FRY: variants seen among roughly 807,000 people sequenced by gnomAD.
FRY encodes the protein protein furry homolog.
In FRY, 128 loss-of-function variants were observed where a neutral mutation model predicts 348.4. That is an observed-to-expected ratio of 0.37 (90% confidence interval 0.32 to 0.43). The LOEUF (loss-of-function observed/expected upper bound fraction) is 0.43. FRY is among the 20% of genes least tolerant of loss of function. The pLI is 1.00. For synonymous variants in FRY, 1,370 were observed against 1,374.7 expected (o/e 1.00, Z 0.08); for missense variants, 2,736 against 3,695.2 (o/e 0.74, Z 6.73).
intron 11 of FRY, among the ~76,000 whole-genome samples, chr13:32,138,591 A>T (rs1593656983): frequency 6.6e-6 from 1 of 152,186 alleles, no homozygotes; most frequent in East Asian, 1.9e-4. Flanking sequence ...CTGGGCACTG[A>T]CAGTATATCC....
In FRY at chr13:32,157,254, T is replaced by G; in HGVS notation, c.1652-19T>G. 6.2e-7 allele frequency: 1 copy of G among 1,606,270 alleles called. No homozygotes were observed. Among genetic ancestry groups the G allele is most frequent in the South Asian group, 1.1e-5 (1 of 90,934 alleles). On this transcript the variant is annotated intron_variant, in intron 15 of 60. Coordinates refer to ENST00000542859, the MANE Select transcript of FRY (RefSeq NM_023037.3). ...TGATAGATTCAGTTGAAGGTATAAC[T>G]ATAATGCATGTTTTTCAGGCATGTC...
intron 14 of FRY, among the ~76,000 whole-genome samples, chr13:32,153,067 T>A (rs1280877313): frequency 6.6e-6 from 1 of 152,126 alleles, no homozygotes; most frequent in Non-Finnish European, 1.5e-5. Flanking sequence ...CTGGGGAAGA[T>A]AAAGAGCAAC....
chr13:32,090,659 GAAAC>G (rs1876236661), intron 2 of FRY, among the ~76,000 whole-genome samples: 2 of 151,950 alleles, frequency 1.3e-5, no homozygotes, highest in Non-Finnish European at 1.5e-5. Context: ...AAGTTACCCA[GAAAC>G]AAACAAATGA....
intron 3 of FRY, among the ~76,000 whole-genome samples, chr13:32,103,700 C>T (rs1398745831): frequency 6.6e-6 from 1 of 152,148 alleles, no homozygotes; most frequent in Non-Finnish European, 1.5e-5. Flanking sequence ...CGCAGTGGCT[C>T]ACATCTGTAA....
At chr13:32,094,091 T>C (rs1297997884) in intron 2 of FRY, among the ~76,000 whole-genome samples, 1 of 152,210 alleles carries the variant, frequency 6.6e-6, no homozygotes, top group African/African-American at 2.4e-5. Context: ...TTACTACTTA[T>C]TTAATGCTCT....
intron 59 of FRY, among the ~76,000 whole-genome samples, chr13:32,290,437 G>C (rs1889280272): frequency 6.6e-6 from 1 of 152,100 alleles, no homozygotes. Flanking sequence ...AGGGTGAGTT[G>C]GAGTGAGGGA....
At chr13:32,100,972 C>T (rs1464880763) in intron 2 of FRY, among the ~76,000 whole-genome samples, 4 of 150,938 alleles carry the variant, frequency 2.7e-5, no homozygotes, top group Admixed American at 1.3e-4. Flanking sequence ...AAGGTTTCAG[C>T]GTATGAATTT....
At chr13:32,136,759 C>T in intron 10 of FRY, 112 bp from the exon 11 acceptor site, 1 of 775,360 alleles carries the variant, frequency 1.3e-6, no homozygotes, top group East Asian at 2.4e-5. Flanking sequence ...TGTCCTGTTT[C>T]TTGCCCACAG....
At chr13:32,171,392 ACCTCCACCT>A (rs1233055396) in intron 18 of FRY, 122 bp downstream of exon 18, 3 of 749,608 alleles carry the variant, frequency 4.0e-6, no homozygotes, top group East Asian at 2.8e-5. Context: ...ACTCACTGCA[ACCTCCACCT>A]CCTGGTTCAA....
chr13:32,183,079 A>T, intron 24 of FRY, 45 bp downstream of exon 24: 1 of 1,176,762 alleles, frequency 8.5e-7, no homozygotes, highest in Non-Finnish European at 1.3e-6. Context: ...TTTTTGGACA[A>T]TCATCTGAAT....
At chr13:32,074,594 A>C (rs556252247) in intron 1 of FRY, among the ~76,000 whole-genome samples, 1 of 152,320 alleles carries the variant, frequency 6.6e-6, no homozygotes, top group African/African-American at 2.4e-5. Flanking sequence ...CATGGATGCC[A>C]CTGAACCATA....
rs754270789 is a variant in FRY, at chr13:32,237,784, A to G, written c.6216A>G (p.Ala2072=). The G allele has an allele frequency of 2.5e-6, 4 of 1,614,156 alleles. No individual in the cohort carries two copies. In the South Asian group the frequency reaches 4.4e-5, roughly 18 times the overall value. Residue 2072 remains alanine, a synonymous_variant, in exon 44 of 61, where the codon GCA becomes GCG. Transcript: ENST00000542859. This position sits in a 1 kb window ranked among gnomAD's most constrained non-coding sequence, Gnocchi z 6.3. ...TAAGGCTGTTGAGCAGACTACTGGC[A>G]CATATGCCACTCGATAAGGCTGAGA... ...MALRLLSRLL[A]HMPLDKAENR...
chr13:32,077,674 A>C (rs1196619516), intron 1 of FRY, among the ~76,000 whole-genome samples: 3 of 152,228 alleles, frequency 2.0e-5, no homozygotes, highest in Non-Finnish European at 2.9e-5. Context: ...AGACAGAAAG[A>C]AGGCAAGAGA....
intron 2 of FRY, among the ~76,000 whole-genome samples, chr13:32,090,880 G>A (rs1332877510): frequency 2.0e-5 from 3 of 152,010 alleles, no homozygotes; most frequent in Admixed American, 6.6e-5. Context: ...CCACTGAAAT[G>A]AGCAAAACCA....
intron 55 of FRY, among the ~76,000 whole-genome samples, 176 bp from the exon 56 acceptor site, chr13:32,274,666 T>G (rs1448395879): frequency 8.2e-6 from 1 of 121,600 alleles, no homozygotes; most frequent in African/African-American, 3.2e-5. Flanking sequence ...ATCGCGCCAC[T>G]GCACTCCAGC....
At chr13:32,162,214 G>A (rs1881486638) in intron 17 of FRY, among the ~76,000 whole-genome samples, 1 of 152,150 alleles carries the variant, frequency 6.6e-6, no homozygotes, top group African/African-American at 2.4e-5. Flanking sequence ...GTCAATTTAG[G>A]CTCTATAATC....
intron 16 of FRY, among the ~76,000 whole-genome samples, chr13:32,157,646 A>G (rs1053264399): frequency 6.6e-6 from 1 of 152,224 alleles, no homozygotes; most frequent in Admixed American, 6.5e-5. Flanking sequence ...AATGAGGACC[A>G]TGACCCACTA....
At chr13:32,170,950 G>T in intron 17 of FRY, 62 bp from the exon 18 acceptor site, 3 of 1,185,592 alleles carry the variant, frequency 2.5e-6, no homozygotes, top group Non-Finnish European at 3.8e-6. Context: ...ATTAATCCTT[G>T]TTAGCTCTAG....
intron 55 of FRY, among the ~76,000 whole-genome samples, chr13:32,268,327 G>A (rs953946794): frequency 6.6e-6 from 1 of 151,944 alleles, no homozygotes; most frequent in African/African-American, 2.4e-5. Flanking sequence ...GGCCATTGCA[G>A]TTAACTAGAC....
Sources: allele counts gnomAD v4.1 joint callset (sites outside exome capture counted in the v4.1 genomes callset), GRCh38; gene constraint gnomAD v4.1.1; non-coding constraint Gnocchi (gnomAD v3.1); transcripts MANE v1.5; gene names NCBI Gene and HGNC (gene_info 2026-07-23, HGNC 2026-07-21).